PRKN: variants seen among roughly 807,000 people sequenced by gnomAD.
PRKN encodes parkin RBR E3 ubiquitin protein ligase.
Under a neutral mutation model 59.5 loss-of-function variants are expected in PRKN, and 56 were observed. The ratio of observed to expected loss-of-function variants is 0.94; its 90% CI spans 0.76 to 1.18. The LOEUF (loss-of-function observed/expected upper bound fraction) is 1.18, where lower values mean the gene tolerates loss of function less well. PRKN is among the 50% of genes most tolerant of loss of function. The pLI is 0.00. For missense variants in PRKN, 657 were observed against 596.4 expected, an observed-to-expected ratio of 1.10 and a Z score of -1.06; for synonymous variants, 250 against 222.1, an observed-to-expected ratio of 1.13 and a Z score of -1.12.
intron 1 of PRKN, among the ~76,000 whole-genome samples, chr6:162,497,678 T>A (rs894000636): frequency 1.3e-5 from 2 of 152,218 alleles, no homozygotes; most frequent in Non-Finnish European, 2.9e-5. Flanking sequence ...TTGCTGAGTC[T>A]AGGCGCCTCC....
intron 9 of PRKN, among the ~76,000 whole-genome samples, chr6:161,500,928 T>C (rs1438375638): frequency 7.0e-6 from 1 of 142,760 alleles, no homozygotes; most frequent in Non-Finnish European, 1.5e-5. Context: ...CGGGCTGGAG[T>C]GCAATGGCGC....
rs1292713878 is a variant in PRKN, at chr6:161,356,425, C to A, written c.1285+3663G>T. Among the ~76,000 whole-genome samples, 1 of 152,120 alleles carries A rather than the reference C, an allele frequency of 6.6e-6. No individual in the cohort carries two copies. Among genetic ancestry groups the A allele is most frequent in the Admixed American group, 6.6e-5 (1 of 15,262 alleles). ...TGGTTGCAATGTCAGTGGGGACCCC[C>A]GGGGGGAAGGGCAGGACTGACATGG... On this transcript the variant is annotated intron_variant, in intron 11 of 11. Coordinates refer to ENST00000366898, the MANE Select transcript of PRKN (RefSeq NM_004562.3). This position sits in a 1 kb window ranked among gnomAD's most constrained non-coding sequence, Gnocchi z 7.8.
chr6:162,224,717 C>T (rs778404390), intron 3 of PRKN, among the ~76,000 whole-genome samples: 1 of 152,132 alleles, frequency 6.6e-6, no homozygotes, highest in East Asian at 1.9e-4. Context: ...GCTGCATCCT[C>T]TTTCTGGGCA....
chr6:162,697,692 A>G (rs545166690), intron 1 of PRKN, among the ~76,000 whole-genome samples: 73 of 152,326 alleles, frequency 4.8e-4, no homozygotes, highest in African/African-American at 1.7e-3. Context: ...ATTAAGACTT[A>G]ACTGAGAAAT....
chr6:162,454,239 A>C, intron 1 of PRKN, among the ~76,000 whole-genome samples: 1 of 152,226 alleles, frequency 6.6e-6, no homozygotes, highest in African/African-American at 2.4e-5. Flanking sequence ...GTGCCATATT[A>C]ATGTTTGGTT....
rs80315562 is a variant in PRKN, at chr6:162,262,976, A to C, written c.172-211T>G. Among the ~76,000 whole-genome samples the C allele has an allele frequency of 0.028, 4,296 of 152,218 alleles. 176 individuals carry two copies. The highest frequency in any genetic ancestry group is 0.087 in the African/African-American group (3,630 of 41,506). On this transcript the variant is annotated intron_variant, in intron 2 of 11. Coordinates refer to ENST00000366898, the MANE Select transcript of PRKN (RefSeq NM_004562.3). ...TGGGGCCAGAAACAGAAATTTGGGAATACGTGAAACACAATAGAATGCTGA... is the reference window on the plus strand; with the variant it reads ...TGGGGCCAGAAACAGAAATTTGGGACTACGTGAAACACAATAGAATGCTGA...
At chr6:162,033,455 T>C (rs1189460561) in intron 5 of PRKN, among the ~76,000 whole-genome samples, 3 of 152,232 alleles carry the variant, frequency 2.0e-5, no homozygotes, top group Non-Finnish European at 4.4e-5. Context: ...GCATACTTTA[T>C]ATATATGTGC....
chr6:162,410,890 A>C (rs1249893853), intron 2 of PRKN, among the ~76,000 whole-genome samples: 1 of 152,174 alleles, frequency 6.6e-6, no homozygotes, highest in Non-Finnish European at 1.5e-5. Flanking sequence ...GGGAAGAAGG[A>C]GGTGACAGGG....
intron 6 of PRKN, among the ~76,000 whole-genome samples, chr6:161,819,066 T>C (rs1368169418): frequency 6.6e-6 from 1 of 152,228 alleles, no homozygotes; most frequent in East Asian, 1.9e-4. Context: ...TCAAACATTA[T>C]ACTCCGAACT....
intron 1 of PRKN, among the ~76,000 whole-genome samples, chr6:162,709,719 G>A (rs990638052): frequency 4.6e-5 from 7 of 152,130 alleles, no homozygotes; most frequent in Admixed American, 2.6e-4. Context: ...TATGAGAAAC[G>A]ATACACATAC....
chr6:162,018,075 G>A (rs931107795), intron 5 of PRKN, among the ~76,000 whole-genome samples: 1 of 152,110 alleles, frequency 6.6e-6, no homozygotes, highest in African/African-American at 2.4e-5. Flanking sequence ...CACCCAGGCT[G>A]GAGTGCAGTG....
intron 1 of PRKN, among the ~76,000 whole-genome samples, chr6:162,542,826 C>T (rs1187408228): frequency 5.3e-5 from 8 of 152,180 alleles, no homozygotes; most frequent in Non-Finnish European, 7.3e-5. Flanking sequence ...ACAGCACTCG[C>T]GCAAACCCCC....
intron 4 of PRKN, among the ~76,000 whole-genome samples, chr6:162,080,936 C>T (rs138485332): frequency 6.2e-4 from 95 of 152,202 alleles, no homozygotes; most frequent in South Asian, 1.5e-3. Context: ...ACAATGTTCA[C>T]AGCACTTTCA....
chr6:162,577,775 A>C (rs373742783), intron 1 of PRKN, among the ~76,000 whole-genome samples: 15 of 152,178 alleles, frequency 9.9e-5, no homozygotes, highest in African/African-American at 3.6e-4. Flanking sequence ...CTAAAACTAA[A>C]AAATTTAGCC....
At chr6:162,127,244 C>T (rs566453771) in intron 4 of PRKN, among the ~76,000 whole-genome samples, 6 of 152,242 alleles carry the variant, frequency 3.9e-5, no homozygotes, top group Admixed American at 3.3e-4. Flanking sequence ...CTGCCTAATG[C>T]ACTCAATGCC....
chr6:161,871,733 T>G (rs574879073), intron 6 of PRKN, among the ~76,000 whole-genome samples: 1 of 152,218 alleles, frequency 6.6e-6, no homozygotes, highest in African/African-American at 2.4e-5. Flanking sequence ...GTGGCTATTT[T>G]TCCCTTCCAT....
intron 2 of PRKN, among the ~76,000 whole-genome samples, chr6:162,349,946 T>C (rs994230805): frequency 3.3e-5 from 5 of 152,196 alleles, no homozygotes; most frequent in Non-Finnish European, 7.4e-5. Flanking sequence ...GCATAGTTTC[T>C]ATGTGAAAAT....
intron 2 of PRKN, among the ~76,000 whole-genome samples, chr6:162,428,718 TC>T (rs1276112582): frequency 6.6e-6 from 1 of 152,180 alleles, no homozygotes; most frequent in Non-Finnish European, 1.5e-5. Context: ...CATGTGTCCC[TC>T]CATTACAACG....
chr6:161,367,138 C>G (rs1018852322), intron 10 of PRKN, among the ~76,000 whole-genome samples: 1 of 151,636 alleles, frequency 6.6e-6, no homozygotes, highest in Non-Finnish European at 1.5e-5. Flanking sequence ...CTACAGGCGC[C>G]CGCCACCACG....
Sources: allele counts gnomAD v4.1 joint callset (sites outside exome capture counted in the v4.1 genomes callset), GRCh38; gene constraint gnomAD v4.1.1; non-coding constraint Gnocchi (gnomAD v3.1); transcripts MANE v1.5; gene names NCBI Gene and HGNC (gene_info 2026-07-23, HGNC 2026-07-21).